The following KIAA1328 variants were observed in gnomAD, a reference collection of about 807,000 sequenced individuals.
The protein encoded by KIAA1328 is KIAA1328.
In KIAA1328, 52 loss-of-function variants were observed where a neutral mutation model predicts 68.1. That is an observed-to-expected ratio of 0.76 (90% CI 0.61 to 0.96). The LOEUF is 0.96. Ranked by LOEUF, KIAA1328 falls within the 40% of genes least tolerant of loss-of-function variation. The probability of loss-of-function intolerance (pLI) is 0.00; values close to 1 mark genes in which losing one functional copy is unlikely to be tolerated. For synonymous variants in KIAA1328, 232 were observed against 239.4 expected, an observed-to-expected ratio of 0.97 and a Z score of 0.28; for missense variants, 641 against 677.6, an observed-to-expected ratio of 0.95 and a Z score of 0.60.
chr18:36,973,882 G>T (rs1021870718), intron 6 of KIAA1328, among the ~76,000 whole-genome samples: 10 of 148,618 alleles, frequency 6.7e-5, no homozygotes, highest in Admixed American at 5.4e-4. Context: ...ATTTTTCAGT[G>T]TAATCTAGAC....
chr18:37,221,111 A>G (rs757971645), intron 9 of KIAA1328, among the ~76,000 whole-genome samples: 1 of 152,038 alleles, frequency 6.6e-6, no homozygotes, highest in South Asian at 2.1e-4. Flanking sequence ...ACAGGCATGA[A>G]CCACCTCACC....
intron 5 of KIAA1328, among the ~76,000 whole-genome samples, chr18:36,930,073 G>A (rs1458372125): frequency 6.6e-6 from 1 of 152,096 alleles, no homozygotes; most frequent in Non-Finnish European, 1.5e-5. Flanking sequence ...TAAGCCACTG[G>A]TAGAGACCTG....
intron 1 of KIAA1328, 72 bp downstream of exon 1, chr18:36,829,268 C>A: frequency 6.9e-7 from 1 of 1,451,312 alleles, no homozygotes; most frequent in Non-Finnish European, 9.0e-7. Context: ...CGTCGCGTGG[C>A]AGTCCGAGAG....
intron 9 of KIAA1328, among the ~76,000 whole-genome samples, chr18:37,214,072 G>A (rs2060374556): frequency 6.6e-6 from 1 of 151,988 alleles, no homozygotes; most frequent in South Asian, 2.1e-4. Context: ...TGGGTAGATT[G>A]CAAAAATTTT....
downstream of KIAA1328, among the ~76,000 whole-genome samples, chr18:37,226,050 A>G (rs993979234): frequency 6.6e-6 from 1 of 152,164 alleles, no homozygotes; most frequent in African/African-American, 2.4e-5. Context: ...TACCCTGTGA[A>G]TAGCCCAGAC....
rs188628143 is a variant in KIAA1328, at chr18:37,017,253, T to C, written c.577-49637T>C. On this transcript the variant is annotated intron_variant, in intron 6 of 9. Transcript: ENST00000280020. ...TCAGGAGCAAGTTGTTTAATTTCTATGTAATTGTGTGGTTTTCAGAGGTCT... is the reference window on the plus strand; with the variant it reads ...TCAGGAGCAAGTTGTTTAATTTCTACGTAATTGTGTGGTTTTCAGAGGTCT... 5.9e-5 allele frequency among the ~76,000 whole-genome samples: 9 copies of C among 152,262 alleles called. No homozygotes were observed. The East Asian group carries it at 1.5e-3, about 26-fold the overall frequency.
chr18:37,161,817 A>G (rs1023690384), intron 8 of KIAA1328, among the ~76,000 whole-genome samples: 1 of 152,246 alleles, frequency 6.6e-6, no homozygotes, highest in African/African-American at 2.4e-5. Context: ...ATATAGTGGA[A>G]TAGCAAAAGA....
chr18:37,222,330 G>T lies in KIAA1328; in HGVS notation c.*103G>T, dbSNP rs1212578192. 6.7e-7 allele frequency: 1 copy of T among 1,499,312 alleles called. No individual in the cohort carries two copies. The highest frequency in any genetic ancestry group is 2.5e-5 in the East Asian group (1 of 40,586). The allele number at this position is 1,499,312 out of a possible 1,614,324, so 92.9% of individuals were successfully genotyped here. ...AGTAATTGTGTCTCTCCTTTCACGGGGACTTGTCTCACTAGCATCCTGTTA... is the reference window on the plus strand; with the variant it reads ...AGTAATTGTGTCTCTCCTTTCACGGTGACTTGTCTCACTAGCATCCTGTTA... On this transcript the variant is annotated 3_prime_UTR_variant, in exon 10 of 10. Coordinates refer to ENST00000280020, the MANE Select transcript of KIAA1328 (RefSeq NM_020776.3).
chr18:37,084,379 A>G (rs908632769), intron 7 of KIAA1328: 19 of 393,766 alleles, frequency 4.8e-5, no homozygotes, highest in African/African-American at 3.9e-4. Context: ...TTTGAAAAAT[A>G]TAGAAAAATA....
At chr18:37,199,224 A>G (rs1373587177) in intron 9 of KIAA1328, among the ~76,000 whole-genome samples, 4 of 151,868 alleles carry the variant, frequency 2.6e-5, no homozygotes, top group African/African-American at 4.8e-5. Flanking sequence ...TCCATTAGCT[A>G]TTTTTCCTAA....
intron 6 of KIAA1328, among the ~76,000 whole-genome samples, chr18:36,992,349 A>C (rs983145828): frequency 2.0e-5 from 3 of 152,048 alleles, no homozygotes; most frequent in Non-Finnish European, 4.4e-5. Context: ...TCGTCTTCTA[A>C]ATGGTTTATA....
At chr18:37,042,989 T>C (rs538703254) in intron 6 of KIAA1328, among the ~76,000 whole-genome samples, 1 of 152,306 alleles carries the variant, frequency 6.6e-6, no homozygotes, top group Non-Finnish European at 1.5e-5. Flanking sequence ...AGTTCACTGA[T>C]TCTTCTGCTG....
At chr18:36,958,006 C>T (rs917578931) in intron 5 of KIAA1328, among the ~76,000 whole-genome samples, 2 of 152,128 alleles carry the variant, frequency 1.3e-5, no homozygotes, top group African/African-American at 4.8e-5. Context: ...CTATTTCTGT[C>T]TGTATATATT....
At chr18:37,183,635 A>C (rs2059739444) in intron 9 of KIAA1328, among the ~76,000 whole-genome samples, 1 of 152,222 alleles carries the variant, frequency 6.6e-6, no homozygotes, top group South Asian at 2.1e-4. Flanking sequence ...AAAGTATATC[A>C]ATAAGCCTGC....
chr18:37,004,712 G>A (rs987307941), intron 6 of KIAA1328, among the ~76,000 whole-genome samples: 2 of 152,036 alleles, frequency 1.3e-5, no homozygotes, highest in Non-Finnish European at 2.9e-5. Context: ...CGAACTAAAA[G>A]TAGAACTACC....
intron 5 of KIAA1328, among the ~76,000 whole-genome samples, chr18:36,953,218 T>C (rs570399924): frequency 1.4e-5 from 2 of 147,688 alleles, no homozygotes; most frequent in African/African-American, 4.9e-5. Flanking sequence ...TATATAAACA[T>C]AATTATTAAA....
intron 1 of KIAA1328, 77 bp from the exon 2 acceptor site, chr18:36,834,243 A>T: frequency 7.7e-7 from 1 of 1,300,116 alleles, no homozygotes; most frequent in Non-Finnish European, 9.9e-7. Flanking sequence ...TATGAATTAT[A>T]AGAGGTATAC....
intron 6 of KIAA1328, among the ~76,000 whole-genome samples, chr18:37,049,301 T>C (rs539156015): frequency 2.6e-5 from 4 of 152,248 alleles, no homozygotes; most frequent in South Asian, 2.1e-4. Flanking sequence ...ACTGGGGACA[T>C]AGGAAAACCA....
intron 7 of KIAA1328, among the ~76,000 whole-genome samples, chr18:37,158,648 A>G (rs977347595): frequency 6.6e-6 from 1 of 152,208 alleles, no homozygotes; most frequent in African/African-American, 2.4e-5. Context: ...GAAATTTTTC[A>G]TATAGTCATC....
Sources: gnomAD v4.1 joint callset for allele counts (sites outside exome capture counted in the v4.1 genomes callset) on GRCh38, gnomAD v4.1.1 for gene constraint, MANE v1.5 for transcripts, NCBI Gene and HGNC (gene_info 2026-07-23, HGNC 2026-07-21) for gene names.